The following TRIM37 variants were observed in gnomAD, a reference collection of about 807,000 sequenced individuals.
The protein encoded by TRIM37 is E3 ubiquitin-protein ligase TRIM37.
A neutral mutation model predicts 129.8 loss-of-function variants in TRIM37; 80 were observed. The observed-to-expected ratio is 0.62, with a 90% confidence interval of 0.51 to 0.74. The LOEUF is 0.74. Among genes scored for constraint, TRIM37 ranks in the 30% least tolerant of loss-of-function variants. TRIM37 has a pLI of 0.00. For missense variants in TRIM37, 1,054 were observed against 1,176.5 expected (o/e 0.90, Z 1.52); for synonymous variants, 389 against 387.1 (o/e 1.00, Z -0.06).
intron 19 of TRIM37, among the ~76,000 whole-genome samples, chr17:59,027,444 C>T (rs2037366603): frequency 6.6e-6 from 1 of 152,158 alleles, no homozygotes; most frequent in African/African-American, 2.4e-5. Context: ...ATTAACTTCC[C>T]TCCTATGCAT....
Position 59,033,827 on chromosome 17 carries a change from G to A in TRIM37, c.1754-1737C>T, listed in dbSNP as rs182890127. On this transcript the variant is annotated intron_variant, in intron 17 of 23. Coordinates refer to ENST00000262294, the MANE Select transcript of TRIM37 (RefSeq NM_015294.6). The stretch of plus-strand genomic sequence containing the variant: ...CCTAGATACACTGAACAAGAATACT[G>A]GGGTGAGAAGCTGGGTGCAGTGGCT... Among the ~76,000 whole-genome samples, 12 of 151,890 alleles carry A rather than the reference G, an allele frequency of 7.9e-5. No homozygotes were observed. In the East Asian group the frequency reaches 2.2e-3, roughly 27 times the overall value.
intron 2 of TRIM37, 100 bp from the exon 3 acceptor site, chr17:59,091,440 TAATA>T (rs935446857): frequency 5.8e-5 from 12 of 206,632 alleles, no homozygotes; most frequent in Non-Finnish European, 1.1e-4. Context: ...ATAATATTCT[TAATA>T]TATATAATAT....
intron 14 of TRIM37, among the ~76,000 whole-genome samples, chr17:59,050,170 G>A (rs556968566): frequency 2.0e-5 from 3 of 152,242 alleles, no homozygotes; most frequent in South Asian, 2.1e-4. Context: ...AGTTCAAGAT[G>A]GGACAACTTT....
At chr17:59,056,092 CAG>C (rs1297177462) in intron 13 of TRIM37, among the ~76,000 whole-genome samples, 102 of 152,278 alleles carry the variant, frequency 6.7e-4, no homozygotes, top group African/African-American at 2.4e-3. Context: ...TGAAAAAAAT[CAG>C]CACTTTATCC....
chr17:59,056,191 T>C (rs1022993343), intron 13 of TRIM37, among the ~76,000 whole-genome samples: 2 of 152,064 alleles, frequency 1.3e-5, no homozygotes, highest in African/African-American at 2.4e-5. Context: ...GAAGTTGTAG[T>C]TTCCCACCCA....
intron 21 of TRIM37, among the ~76,000 whole-genome samples, chr17:59,013,388 C>T (rs1047005319): frequency 1.3e-5 from 2 of 152,160 alleles, no homozygotes; most frequent in Non-Finnish European, 1.5e-5. Context: ...CTCAAGTGAT[C>T]TGCCCACCTC....
intron 17 of TRIM37, among the ~76,000 whole-genome samples, chr17:59,035,909 T>C (rs550077639): frequency 2.0e-5 from 3 of 152,160 alleles, no homozygotes; most frequent in Non-Finnish European, 2.9e-5. Context: ...ACTTATATAC[T>C]TGAGTTCATT....
intron 21 of TRIM37, among the ~76,000 whole-genome samples, chr17:59,013,641 T>C (rs1418334843): frequency 1.3e-5 from 2 of 152,188 alleles, no homozygotes; most frequent in African/African-American, 4.8e-5. Flanking sequence ...TTTTCACTTA[T>C]TCTTTTCTCC....
chr17:58,996,765 TCA>T (rs1491509555), downstream of TRIM37, among the ~76,000 whole-genome samples: 1 of 135,704 alleles, frequency 7.4e-6, no homozygotes, highest in Non-Finnish European at 1.6e-5. Context: ...TGAGACTCCA[TCA>T]AAAAAAAAAA....
chr17:59,001,244 C>A (rs1233413254), intron 23 of TRIM37, among the ~76,000 whole-genome samples: 1 of 149,310 alleles, frequency 6.7e-6, no homozygotes, highest in African/African-American at 2.5e-5. Context: ...GAAAATTCTT[C>A]TTTGTTTCTT....
chr17:59,039,825 T>C (rs2038958697), intron 17 of TRIM37, among the ~76,000 whole-genome samples: 2 of 152,196 alleles, frequency 1.3e-5, no homozygotes, highest in African/African-American at 2.4e-5. Context: ...GTTTGGACTT[T>C]ATCCTATAAT....
intron 3 of TRIM37, among the ~76,000 whole-genome samples, chr17:59,090,987 G>T (rs1339166693): frequency 6.6e-6 from 1 of 151,992 alleles, no homozygotes; most frequent in Admixed American, 6.6e-5. Flanking sequence ...AATTATAAAA[G>T]ATAAATTATG....
Position 59,032,092 on chromosome 17 carries a change from T to G in TRIM37, c.1754-2A>C. The G allele has an allele frequency of 6.2e-7, 1 of 1,613,516 alleles. No homozygotes were observed. The highest frequency in any genetic ancestry group is 8.5e-7 in the Non-Finnish European group (1 of 1,179,986). On this transcript the variant is annotated splice_acceptor_variant, in intron 17 of 23. Transcript: ENST00000262294. LOFTEE classifies it high-confidence loss of function. ...AACCCACATAACCATGGCTACTACCTGCAAAAGAGGCGTAGAAAATGATAT... is the reference window on the plus strand; with the variant it reads ...AACCCACATAACCATGGCTACTACCGGCAAAAGAGGCGTAGAAAATGATAT...
intron 24 of TRIM37, among the ~76,000 whole-genome samples, chr17:58,988,196 G>A (rs993462890): frequency 7.9e-5 from 12 of 152,118 alleles, no homozygotes; most frequent in African/African-American, 2.4e-4. Flanking sequence ...GTTAAGACCC[G>A]GGGGCCTGCA....
chr17:59,056,702 C>A (rs549123935), intron 13 of TRIM37, among the ~76,000 whole-genome samples, 173 bp downstream of exon 13: 1 of 74,162 alleles, frequency 1.3e-5, no homozygotes, highest in Non-Finnish European at 2.6e-5. Flanking sequence ...GGCGACAGAG[C>A]GAGACTATGT....
rs1163567662 is a variant in TRIM37 at position 59,106,785 on chromosome 17, A to G, written c.-324T>C. On this transcript the variant is annotated 5_prime_UTR_variant, in exon 1 of 24. Transcript: ENST00000262294. ...CGTGACGCGGGCGCGCGCCTATGGA[A>G]CTGACGGTGGAGTTCAGCGAAGAAG... 28 of 543,842 alleles carry G rather than the reference A, an allele frequency of 5.1e-5. No individual in the cohort carries two copies. In the Admixed American group the frequency reaches 8.0e-4, roughly 15 times the overall value. The allele number at this position is 543,842 out of a possible 1,614,324, so 33.7% of individuals were successfully genotyped here.
intron 2 of TRIM37, among the ~76,000 whole-genome samples, chr17:59,093,367 T>C (rs1042733873): frequency 1.3e-5 from 2 of 152,170 alleles, no homozygotes; most frequent in Admixed American, 6.5e-5. Flanking sequence ...ACTGGCCCTA[T>C]AACCCAGCAA....
At chr17:59,048,121 C>T (rs935498685) in intron 15 of TRIM37, among the ~76,000 whole-genome samples, 1 of 152,136 alleles carries the variant, frequency 6.6e-6, no homozygotes, top group Non-Finnish European at 1.5e-5. Context: ...CTCAATTCTA[C>T]CTAATTTTAC....
At chr17:59,015,582 A>G (rs1296668077) in intron 21 of TRIM37, 28 bp downstream of exon 21, 1 of 1,609,002 alleles carries the variant, frequency 6.2e-7, no homozygotes, top group Non-Finnish European at 8.5e-7. Context: ...CTATTATACC[A>G]TTACATATAC....
Sources: gnomAD v4.1 joint callset for allele counts (sites outside exome capture counted in the v4.1 genomes callset) on GRCh38, gnomAD v4.1.1 for gene constraint, MANE v1.5 for transcripts, NCBI Gene and HGNC (gene_info 2026-07-23, HGNC 2026-07-21) for gene names.